Variants in CPA6 observed in about 807,000 individuals in gnomAD.
The protein encoded by CPA6 is carboxypeptidase B.
Under a neutral mutation model 63.3 loss-of-function variants are expected in CPA6, and 58 were observed. That is an observed-to-expected ratio of 0.92 (90% CI 0.74 to 1.14). The LOEUF is 1.14. CPA6 is among the 50% of genes most tolerant of loss of function. The pLI, the probability that CPA6 is intolerant of heterozygous loss-of-function variation, is 0.00. For synonymous variants in CPA6, 185 were observed against 179.0 expected (o/e 1.03, Z -0.27); for missense variants, 565 against 526.6 (o/e 1.07, Z -0.71).
chr8:67,721,277 G>A (rs543193421), intron 1 of CPA6, among the ~76,000 whole-genome samples: 36 of 152,322 alleles, frequency 2.4e-4, no homozygotes, highest in East Asian at 2.1e-3. Context: ...AATACCATGC[G>A]TGCCATTTGC....
At chr8:67,649,951 G>T (rs982507652) in intron 1 of CPA6, among the ~76,000 whole-genome samples, 2 of 152,320 alleles carry the variant, frequency 1.3e-5, no homozygotes, top group South Asian at 2.1e-4. Context: ...CGAGGACAAA[G>T]AATTAGTAAA....
chr8:67,646,632 G>C (rs1318563459), intron 1 of CPA6, among the ~76,000 whole-genome samples: 3 of 152,202 alleles, frequency 2.0e-5, no homozygotes, highest in African/African-American at 7.2e-5. Flanking sequence ...TCATGAATAA[G>C]ATAAGAGGTA....
chr8:67,681,596 G>T (rs1816599990), intron 1 of CPA6, among the ~76,000 whole-genome samples: 1 of 152,034 alleles, frequency 6.6e-6, no homozygotes, highest in African/African-American at 2.4e-5. Context: ...ATTGTGCAAG[G>T]TATGCATGTA....
intron 2 of CPA6, among the ~76,000 whole-genome samples, chr8:67,526,103 G>A (rs1812357668): frequency 6.6e-6 from 1 of 152,222 alleles, no homozygotes; most frequent in Non-Finnish European, 1.5e-5. Context: ...GGCAATCTCA[G>A]TGAGAGAGAC....
intron 1 of CPA6, among the ~76,000 whole-genome samples, chr8:67,697,762 G>A (rs189294362): frequency 5.1e-5 from 6 of 116,560 alleles, no homozygotes; most frequent in African/African-American, 1.9e-4. Flanking sequence ...TGTTGCAGTC[G>A]CAGGAAAAAA....
At chr8:67,498,707 TATC>T (rs1275841855) in intron 6 of CPA6, among the ~76,000 whole-genome samples, 1 of 152,150 alleles carries the variant, frequency 6.6e-6, no homozygotes, top group East Asian at 1.9e-4. Context: ...GCACCATAAA[TATC>T]ATATGATATT....
intron 1 of CPA6, among the ~76,000 whole-genome samples, chr8:67,719,442 A>G (rs1405428228): frequency 6.6e-6 from 1 of 152,064 alleles, no homozygotes; most frequent in Non-Finnish European, 1.5e-5. Flanking sequence ...GGGAAAAAAA[A>G]ATTAAAGGGG....
At position 67,632,949 on chromosome 8, in the gene CPA6, T is replaced by A. The variant is rs994896552; in HGVS notation, c.117-8698A>T. Among the ~76,000 whole-genome samples, 8 of 152,236 alleles carry A rather than the reference T, an allele frequency of 5.3e-5. No individual in the cohort carries two copies. The East Asian group carries it at 1.5e-3, about 29-fold the overall frequency. On this transcript the variant is annotated intron_variant, in intron 1 of 10. Transcript: ENST00000297770. Reference sequence around the variant, plus strand: ...ATACCTATTAAGCATATTGATTATATGATTTTCATTTACTGTGTCCTTATT... The same window carrying A: ...ATACCTATTAAGCATATTGATTATAAGATTTTCATTTACTGTGTCCTTATT...
At chr8:67,561,410 T>C (rs558042437) in intron 2 of CPA6, among the ~76,000 whole-genome samples, 2 of 152,320 alleles carry the variant, frequency 1.3e-5, no homozygotes, top group South Asian at 4.1e-4. Flanking sequence ...TGCTACTTGA[T>C]TGGATACGAT....
At chr8:67,588,681 C>T (rs1486901137) in intron 2 of CPA6, among the ~76,000 whole-genome samples, 1 of 152,154 alleles carries the variant, frequency 6.6e-6, no homozygotes, top group African/African-American at 2.4e-5. Context: ...AGGGCAACTC[C>T]AAATGCCTTG....
At position 67,484,805 on chromosome 8, in the gene CPA6, G is replaced by T. The variant is rs779706946; in HGVS notation, c.637-16C>A. ...TTAGAAGAGCCTAAAAGACAAAGGT[G>T]AGATTTTTCTTTTAAATTGGTCCCC... On this transcript the variant is annotated splice_polypyrimidine_tract_variant and intron_variant, in intron 6 of 10. Transcript: ENST00000297770. The T allele has an allele frequency of 6.9e-7, 1 of 1,444,850 alleles. No individual in the cohort carries two copies. Among genetic ancestry groups the T allele is most frequent in the Admixed American group, 1.8e-5 (1 of 55,762 alleles). The allele number at this position is 1,444,850 out of a possible 1,614,324, so 89.5% of individuals were successfully genotyped here.
chr8:67,485,592 A>G (rs1267851463), intron 6 of CPA6, among the ~76,000 whole-genome samples: 3 of 152,324 alleles, frequency 2.0e-5, no homozygotes, highest in South Asian at 4.1e-4. Context: ...ATTATAGGTA[A>G]ATACACAAGT....
intron 2 of CPA6, among the ~76,000 whole-genome samples, chr8:67,592,805 A>G (rs1302922019): frequency 3.3e-5 from 5 of 152,048 alleles, no homozygotes; most frequent in Admixed American, 6.6e-5. Context: ...CTAGTGGTCT[A>G]TCAATTTTGT....
chr8:67,576,270 C>T (rs1380230749), intron 2 of CPA6, among the ~76,000 whole-genome samples: 1 of 152,024 alleles, frequency 6.6e-6, no homozygotes, highest in Non-Finnish European at 1.5e-5. Context: ...TTAAAAAAAT[C>T]CTAGCATAAC....
At chr8:67,639,556 G>C (rs1381999590) in intron 1 of CPA6, among the ~76,000 whole-genome samples, 1 of 151,580 alleles carries the variant, frequency 6.6e-6, no homozygotes, top group South Asian at 2.1e-4. Context: ...GCTGACACCA[G>C]GGAACATGGT....
intron 1 of CPA6, among the ~76,000 whole-genome samples, chr8:67,639,338 G>T (rs753589654): frequency 6.6e-6 from 1 of 151,556 alleles, no homozygotes; most frequent in African/African-American, 2.4e-5. Flanking sequence ...GGCTGTGCTC[G>T]GCTCCCGCTA....
chr8:67,743,571 G>A (rs766941764), intron 1 of CPA6, among the ~76,000 whole-genome samples: 123 of 152,090 alleles, frequency 8.1e-4, no homozygotes, highest in Non-Finnish European at 1.3e-3. Context: ...TCTTTCTAAC[G>A]TTTTTAAATG....
intron 1 of CPA6, among the ~76,000 whole-genome samples, chr8:67,729,367 G>A (rs951612726): frequency 7.2e-5 from 11 of 152,160 alleles, no homozygotes; most frequent in African/African-American, 2.7e-4. Context: ...ATTAAATTGA[G>A]CCATTTGATA....
chr8:67,464,482 TATTGATAG>T (rs1395059234), intron 8 of CPA6, among the ~76,000 whole-genome samples: 2 of 152,244 alleles, frequency 1.3e-5, no homozygotes, highest in African/African-American at 4.8e-5. Context: ...CTGTTTACTG[TATTGATAG>T]TTTCTTTTGC....
Sources: gnomAD v4.1 joint callset for allele counts (sites outside exome capture counted in the v4.1 genomes callset) on GRCh38, gnomAD v4.1.1 for gene constraint, MANE v1.5 for transcripts, NCBI Gene and HGNC (gene_info 2026-07-23, HGNC 2026-07-21) for gene names.